Variants in GRIK1 observed in about 807,000 individuals in gnomAD.
The protein encoded by GRIK1 is glutamate receptor ionotropic, kainate 1.
A neutral mutation model predicts 105.7 loss-of-function variants in GRIK1; 69 were observed. The ratio of observed to expected loss-of-function variants is 0.65; its 90% CI spans 0.54 to 0.80. The LOEUF is 0.80. GRIK1 is among the 30% of genes least tolerant of loss of function. The probability of loss-of-function intolerance (pLI) is 0.00; values close to 1 mark genes in which losing one functional copy is unlikely to be tolerated. For missense variants in GRIK1, 1,109 were observed against 1,167.3 expected, an observed-to-expected ratio of 0.95 and a Z score of 0.73; for synonymous variants, 438 against 431.3, an observed-to-expected ratio of 1.02 and a Z score of -0.19.
intron 4 of GRIK1, among the ~76,000 whole-genome samples, chr21:29,660,882 A>T (rs976405971): frequency 1.3e-5 from 2 of 152,240 alleles, no homozygotes; most frequent in African/African-American, 4.8e-5. Flanking sequence ...CAAGATAGAA[A>T]TAAGGTATTT....
chr21:29,680,280 T>C (rs958551480), intron 3 of GRIK1, among the ~76,000 whole-genome samples: 1 of 152,178 alleles, frequency 6.6e-6, no homozygotes, highest in East Asian at 1.9e-4. Context: ...CAAATGGAGA[T>C]AAAGGAAAGA....
At position 29,929,590 on chromosome 21, in the gene GRIK1, T is replaced by G. The variant is rs184890649; in HGVS notation, c.118+9793A>C. The stretch of plus-strand genomic sequence containing the variant: ...TTACGGATCATATTTAATGAATGCT[T>G]TATTTCTTAAGTAACCTCACCTCAG... On this transcript the variant is annotated intron_variant, in intron 1 of 17. Transcript: ENST00000327783. Among the ~76,000 whole-genome samples, 3 of 152,320 alleles carry G rather than the reference T, an allele frequency of 2.0e-5. No individual in the cohort carries two copies. The East Asian group carries it at 5.8e-4, about 29-fold the overall frequency.
intron 1 of GRIK1, among the ~76,000 whole-genome samples, chr21:29,881,780 A>G (rs1027637219): frequency 6.6e-6 from 1 of 152,166 alleles, no homozygotes; most frequent in Non-Finnish European, 1.5e-5. Context: ...ATCCCTTGAT[A>G]TAAAAGACTT....
chr21:29,841,690 C>T (rs1385189594), intron 1 of GRIK1, among the ~76,000 whole-genome samples: 3 of 152,156 alleles, frequency 2.0e-5, no homozygotes, highest in Admixed American at 1.3e-4. Flanking sequence ...ATGCCACTGT[C>T]TATTGGAGAA....
chr21:29,905,625 T>TC (rs2070592398), intron 1 of GRIK1, among the ~76,000 whole-genome samples: 1 of 133,162 alleles, frequency 7.5e-6, no homozygotes, highest in Non-Finnish European at 1.6e-5. Flanking sequence ...TTGTATTTTT[T>TC]TTTTTTTTTT....
chr21:29,641,474 A>T (rs968656144), intron 7 of GRIK1, among the ~76,000 whole-genome samples: 1 of 152,146 alleles, frequency 6.6e-6, no homozygotes, highest in Non-Finnish European at 1.5e-5. Flanking sequence ...CTTTTTCTTT[A>T]TAAATTACCC....
intron 1 of GRIK1, among the ~76,000 whole-genome samples, chr21:29,792,451 C>T (rs1195279651): frequency 2.6e-5 from 4 of 152,150 alleles, no homozygotes; most frequent in Non-Finnish European, 5.9e-5. Context: ...GTTTGCCATT[C>T]CCATCGTTAT....
At chr21:29,854,020 C>G (rs1239797780) in intron 1 of GRIK1, among the ~76,000 whole-genome samples, 1 of 152,130 alleles carries the variant, frequency 6.6e-6, no homozygotes, top group East Asian at 1.9e-4. Context: ...TAGTGAGCGG[C>G]CTAGTCCATC....
intron 1 of GRIK1, among the ~76,000 whole-genome samples, chr21:29,761,788 C>T (rs1347384455): frequency 7.5e-6 from 1 of 132,832 alleles, no homozygotes; most frequent in Non-Finnish European, 1.6e-5. Context: ...GCTCTTGTTG[C>T]CCAGGCTGGA....
At chr21:29,707,645 G>A (rs1289392155) in intron 1 of GRIK1, among the ~76,000 whole-genome samples, 3 of 151,628 alleles carry the variant, frequency 2.0e-5, no homozygotes, top group Non-Finnish European at 4.4e-5. Context: ...ACAGGCGTTC[G>A]CCACCACACC....
At chr21:29,866,754 A>T (rs2068816787) in intron 1 of GRIK1, among the ~76,000 whole-genome samples, 1 of 152,256 alleles carries the variant, frequency 6.6e-6, no homozygotes, top group Admixed American at 6.5e-5. Context: ...AATTCAAATG[A>T]TGTTTTGAAG....
chr21:29,758,235 T>C (rs73186451), intron 1 of GRIK1, among the ~76,000 whole-genome samples: 2 of 152,204 alleles, frequency 1.3e-5, no homozygotes, highest in Non-Finnish European at 2.9e-5. Context: ...ACAGGGTGTG[T>C]TAGTCTGTTC....
chr21:29,685,132 T>C (rs1175937474), intron 3 of GRIK1, among the ~76,000 whole-genome samples: 1 of 152,240 alleles, frequency 6.6e-6, no homozygotes. Flanking sequence ...GTCCTTACAC[T>C]TTTCTTCATT....
chr21:29,888,198 T>TTTCTTTGTTTCTTTCTTTCTTTCTTC (rs1555905563), intron 1 of GRIK1, among the ~76,000 whole-genome samples: 1 of 38,236 alleles, frequency 2.6e-5, no homozygotes, highest in Admixed American at 3.1e-4. Flanking sequence ...TCTTTCTTTC[T>TTTCTTTGTTTCTTTCTTTCTTTCTTC]CTCTCTCTCT....
chr21:29,811,365 G>A (rs1290457962), intron 1 of GRIK1, among the ~76,000 whole-genome samples: 2 of 152,126 alleles, frequency 1.3e-5, no homozygotes, highest in African/African-American at 2.4e-5. Flanking sequence ...TTTATGCCAT[G>A]TCTGTTTCCT....
chr21:29,936,811 T>G (rs1467523414), intron 1 of GRIK1, among the ~76,000 whole-genome samples: 2 of 152,342 alleles, frequency 1.3e-5, no homozygotes, highest in South Asian at 2.1e-4. Context: ...AGCAGACACT[T>G]TGACAAGAAA....
chr21:29,775,753 G>T (rs1454957094), intron 1 of GRIK1, among the ~76,000 whole-genome samples: 2 of 152,108 alleles, frequency 1.3e-5, no homozygotes, highest in African/African-American at 4.8e-5. Context: ...TTGCATTTTA[G>T]AACTTCTCCC....
chr21:29,924,553 C>T (rs466081), intron 1 of GRIK1, among the ~76,000 whole-genome samples: 41,185 of 151,838 alleles, frequency 0.27, 6,864 homozygotes, highest in African/African-American at 0.47. Context: ...TACAGATGCT[C>T]CTATATGAGG....
chr21:29,654,588 A>G (rs2146571558), intron 5 of GRIK1, among the ~76,000 whole-genome samples: 1 of 151,888 alleles, frequency 6.6e-6, no homozygotes, highest in Middle Eastern at 3.4e-3. Flanking sequence ...ATGCATTGAT[A>G]CTAGTTAAAA....
Sources: allele counts gnomAD v4.1 joint callset (sites outside exome capture counted in the v4.1 genomes callset), GRCh38; gene constraint gnomAD v4.1.1; transcripts MANE v1.5; gene names NCBI Gene and HGNC (gene_info 2026-07-23, HGNC 2026-07-21).